Variants in LMCD1 observed in about 807,000 individuals in gnomAD.
LMCD1 encodes the protein LIM and cysteine rich domains 1.
Under a neutral mutation model 42.7 loss-of-function variants are expected in LMCD1, and 32 were observed. The observed-to-expected ratio is 0.75, with a 90% CI of 0.57 to 1.01. The LOEUF (loss-of-function observed/expected upper bound fraction) is 1.01. Among genes scored for constraint, LMCD1 ranks in the 50% least tolerant of loss-of-function variants. The pLI is 0.00. For missense variants in LMCD1, 458 were observed against 483.1 expected, an observed-to-expected ratio of 0.95 and a Z score of 0.49; for synonymous variants, 178 against 184.9, an observed-to-expected ratio of 0.96 and a Z score of 0.30.
rs932276230 is a variant in LMCD1, at chr3:8,571,395, T to C, written c.*3797T>C. 3.3e-5 allele frequency: 5 copies of C among 152,162 alleles called. No individual in the cohort carries two copies. The highest frequency in any genetic ancestry group is 4.8e-5 in the African/African-American group (2 of 41,434). The allele number at this position is 152,162 out of a possible 1,614,324, so 9.4% of individuals were successfully genotyped here. The stretch of plus-strand genomic sequence containing the variant: ...GTGTTCCAAAATGGCCAAGGTCAAA[T>C]ATAAAAATTTCAGACTGAGGTAGAC... On this transcript the variant is annotated 3_prime_UTR_variant, in exon 6 of 6. Transcript: ENST00000157600.
In LMCD1 at chr3:8,502,177, T is replaced by C. The variant is rs185073448; in HGVS notation, c.42+197T>C. Among the ~76,000 whole-genome samples, 16 of 142,566 alleles carry C rather than the reference T, an allele frequency of 1.1e-4. No individual in the cohort carries two copies. In the Middle Eastern group the frequency reaches 0.017, roughly 155 times the overall value. 93.5% of individuals were successfully genotyped at this position (142,566 alleles called of 152,430 possible). A position where few individuals can be genotyped will look rare whatever the true frequency, so the allele number is the denominator to read the frequency against. ...CCCAAACCCAATGTTGTGTAAAATA[T>C]TTGCAAAGGGTCTTATGTCTTTGGT... On this transcript the variant is annotated intron_variant, in intron 1 of 5. Coordinates refer to ENST00000157600, the MANE Select transcript of LMCD1 (RefSeq NM_014583.4).
rs1383019302 is a variant in LMCD1 at position 8,571,036 on chromosome 3, T to A, written c.*3438T>A. 6.6e-6 allele frequency: 1 copy of A among 152,150 alleles called. No homozygotes were observed. The highest frequency in any genetic ancestry group is 1.5e-5 in the Non-Finnish European group (1 of 68,024). The allele number at this position is 152,150 out of a possible 1,614,324, so 9.4% of individuals were successfully genotyped here. A position where few individuals can be genotyped will look rare whatever the true frequency, so the allele number is the denominator to read the frequency against. The stretch of plus-strand genomic sequence containing the variant: ...GTACCAGAATTGGAAAGATCCATGT[T>A]AACTCTTGCCTGATTCTATCTCCCA... On this transcript the variant is annotated 3_prime_UTR_variant, in exon 6 of 6. Coordinates refer to ENST00000157600, the MANE Select transcript of LMCD1 (RefSeq NM_014583.4).
chr3:8,526,601 A>G (rs1055713181), intron 1 of LMCD1, among the ~76,000 whole-genome samples: 1 of 152,218 alleles, frequency 6.6e-6, no homozygotes. Context: ...GGTCTTGAAC[A>G]GCGATGTCTG....
At chr3:8,537,142 T>C (rs1247705005) in intron 2 of LMCD1, 43 bp from the exon 3 acceptor site, 3 of 1,590,824 alleles carry the variant, frequency 1.9e-6, no homozygotes, top group East Asian at 4.5e-5. Flanking sequence ...TGCCTCTTTT[T>C]CCTGGAGGTT....
At chr3:8,562,667 C>T (rs1305543274) in intron 4 of LMCD1, among the ~76,000 whole-genome samples, 3 of 152,194 alleles carry the variant, frequency 2.0e-5, no homozygotes, top group African/African-American at 7.2e-5. Flanking sequence ...CTAAGGTGGT[C>T]CCTGCTATCC....
intron 4 of LMCD1, among the ~76,000 whole-genome samples, chr3:8,556,983 C>T (rs1411577821): frequency 6.6e-6 from 1 of 152,176 alleles, no homozygotes; most frequent in Non-Finnish European, 1.5e-5. Context: ...TAAGGCATTT[C>T]GTATGAGCCA....
intron 5 of LMCD1, among the ~76,000 whole-genome samples, 186 bp downstream of exon 5, chr3:8,565,833 G>A (rs191924415): frequency 6.6e-6 from 1 of 152,322 alleles, no homozygotes; most frequent in East Asian, 1.9e-4. Context: ...ACAACCATGG[G>A]ATTGTTGGGA....
intron 1 of LMCD1, among the ~76,000 whole-genome samples, chr3:8,526,667 G>T (rs1694307891): frequency 6.6e-6 from 1 of 152,186 alleles, no homozygotes; most frequent in Non-Finnish European, 1.5e-5. Flanking sequence ...TTGAGAATTT[G>T]CAGTGCTCAC....
At chr3:8,554,081 C>G (rs1036125339) in intron 4 of LMCD1, among the ~76,000 whole-genome samples, 1 of 152,130 alleles carries the variant, frequency 6.6e-6, no homozygotes, top group Non-Finnish European at 1.5e-5. Context: ...CTCTCACTCT[C>G]TCACCCAGGC....
intron 1 of LMCD1, among the ~76,000 whole-genome samples, chr3:8,529,245 C>T (rs1192542226): frequency 1.3e-5 from 2 of 152,186 alleles, no homozygotes; most frequent in Non-Finnish European, 2.9e-5. Flanking sequence ...GGATGAATGG[C>T]ATGCAGTGGA....
At chr3:8,504,066 T>G (rs1214004032) in intron 1 of LMCD1, among the ~76,000 whole-genome samples, 2 of 152,196 alleles carry the variant, frequency 1.3e-5, no homozygotes, top group African/African-American at 4.8e-5. Flanking sequence ...TTAGATCCAA[T>G]TACAGGCTTA....
chr3:8,550,097 G>A, intron 4 of LMCD1: 1 of 1,418,730 alleles, frequency 7.0e-7, no homozygotes, highest in Non-Finnish European at 9.2e-7. Flanking sequence ...GAGTCACTGG[G>A]GGCCATTTTG....
Position 8,537,165 on chromosome 3 carries a change from C to T in LMCD1, c.132-20C>T. ...TTTCCTGGAGGTTAATCTCACTGGT[C>T]CCCATCCACCCACCCCCAGGAAAAT... On this transcript the variant is annotated intron_variant, in intron 2 of 5. Coordinates refer to ENST00000157600, the MANE Select transcript of LMCD1 (RefSeq NM_014583.4). The T allele has an allele frequency of 6.2e-7, 1 of 1,610,012 alleles. No homozygotes were observed. The highest frequency in any genetic ancestry group is 8.5e-7 in the Non-Finnish European group (1 of 1,176,826).
rs1695233216 is a variant in LMCD1, at chr3:8,572,376, A to G, written c.*4778A>G. 6.6e-6 allele frequency: 1 copy of G among 152,190 alleles called. No homozygotes were observed. Among genetic ancestry groups the G allele is most frequent in the Non-Finnish European group, 1.5e-5 (1 of 68,018 alleles). 9.4% of individuals were successfully genotyped at this position (152,190 alleles called of 1,614,324 possible). A position where few individuals can be genotyped will look rare whatever the true frequency, so the allele number is the denominator to read the frequency against. On this transcript the variant is annotated 3_prime_UTR_variant, in exon 6 of 6. Transcript: ENST00000157600. ...ATGCCAGTATCAGCCAGATTTTTCC[A>G]TTGTAAAGTCATTCCTTTGTCCTTT...
At chr3:8,526,540 A>G (rs1291327155) in intron 1 of LMCD1, among the ~76,000 whole-genome samples, 1 of 152,218 alleles carries the variant, frequency 6.6e-6, no homozygotes, top group Non-Finnish European at 1.5e-5. Flanking sequence ...TAGAGGCACT[A>G]ACAATGTATC....
chr3:8,565,238 A>T (rs1049846574), intron 4 of LMCD1, among the ~76,000 whole-genome samples, 194 bp from the exon 5 acceptor site: 3 of 152,212 alleles, frequency 2.0e-5, no homozygotes, highest in African/African-American at 7.2e-5. Flanking sequence ...AACTTTATTT[A>T]GTCCTCGTGA....
At chr3:8,529,302 C>T (rs1694361065) in intron 1 of LMCD1, among the ~76,000 whole-genome samples, 1 of 152,202 alleles carries the variant, frequency 6.6e-6, no homozygotes, top group African/African-American at 2.4e-5. Context: ...AAACTAGCTG[C>T]AAGTGTGGCC....
At chr3:8,535,091 G>T (rs957211433) in intron 2 of LMCD1, among the ~76,000 whole-genome samples, 2 of 152,168 alleles carry the variant, frequency 1.3e-5, no homozygotes, top group African/African-American at 4.8e-5. Context: ...GGACACTGAA[G>T]AGTCAGGTTC....
intron 1 of LMCD1, 55 bp from the exon 2 acceptor site, chr3:8,532,682 T>C (rs774652863): frequency 6.6e-7 from 1 of 1,504,660 alleles, no homozygotes. Flanking sequence ...AGGTCAAGCA[T>C]CTCCGGTCCA....
Sources: gnomAD v4.1 joint callset for allele counts (sites outside exome capture counted in the v4.1 genomes callset) on GRCh38, gnomAD v4.1.1 for gene constraint, MANE v1.5 for transcripts, NCBI Gene and HGNC (gene_info 2026-07-23, HGNC 2026-07-21) for gene names.